Variants in DOCK1 observed in about 807,000 individuals in gnomAD.
DOCK1 encodes the protein dedicator of cytokinesis 1.
In DOCK1, 138 loss-of-function variants were observed where a neutral mutation model predicts 262.7. That is an observed-to-expected ratio of 0.53 (90% CI 0.46 to 0.61). The LOEUF is 0.61. DOCK1 is among the 20% of genes least tolerant of loss of function. DOCK1 has a pLI of 0.00. For missense variants in DOCK1, 1,908 were observed against 2,370.7 expected (o/e 0.80, Z 4.05); for synonymous variants, 866 against 867.4 (o/e 1.00, Z 0.03).
At chr10:127,114,945 C>T (rs1393858062) in intron 25 of DOCK1, among the ~76,000 whole-genome samples, 1 of 151,948 alleles carries the variant, frequency 6.6e-6, no homozygotes, top group Non-Finnish European at 1.5e-5. Context: ...TCAGTAGAGA[C>T]GCGGTTTCAC....
At chr10:126,906,610 C>G (rs1385639659) in intron 1 of DOCK1, among the ~76,000 whole-genome samples, 1 of 152,216 alleles carries the variant, frequency 6.6e-6, no homozygotes, top group African/African-American at 2.4e-5. Context: ...TCCCACAGCC[C>G]AGGCTGTGTC....
At chr10:126,906,179 C>T (rs1046355711) in intron 1 of DOCK1, among the ~76,000 whole-genome samples, 1 of 152,222 alleles carries the variant, frequency 6.6e-6, no homozygotes, top group Non-Finnish European at 1.5e-5. Flanking sequence ...CCAGTGGCCC[C>T]AGGCCTGGAG....
At position 127,109,701 on chromosome 10, in the gene DOCK1, G is replaced by T. The variant is rs149124197; in HGVS notation, c.2517-547G>T. On this transcript the variant is annotated intron_variant, in intron 24 of 51. Transcript: ENST00000623213. Reference sequence around the variant, plus strand: ...AAGGTTTCTCCATGTTTTAGCATCAGTGCCTCCTTGTTTTTGGAAATGAAT... The same window carrying T: ...AAGGTTTCTCCATGTTTTAGCATCATTGCCTCCTTGTTTTTGGAAATGAAT... 1.4e-3 allele frequency among the ~76,000 whole-genome samples: 206 copies of T among 152,316 alleles called. 1 individual carries two copies. Among genetic ancestry groups the T allele is most frequent in the African/African-American group, 4.7e-3 (197 of 41,564 alleles).
In DOCK1 at chr10:127,027,419, C is replaced by T. The variant is rs1457686172; in HGVS notation, c.1624+995C>T. On this transcript the variant is annotated intron_variant, in intron 16 of 51. Coordinates refer to ENST00000623213, the MANE Select transcript of DOCK1 (RefSeq NM_001290223.2). ...GACCAGCTTGGGCAACACAGTGAGACCCGATCTTTACTAAAACAGTTATCC... is the reference window on the plus strand; with the variant it reads ...GACCAGCTTGGGCAACACAGTGAGATCCGATCTTTACTAAAACAGTTATCC... 4.6e-5 allele frequency among the ~76,000 whole-genome samples: 7 copies of T among 152,242 alleles called. No individual in the cohort carries two copies. The East Asian group carries it at 1.4e-3, about 29-fold the overall frequency.
intron 49 of DOCK1, among the ~76,000 whole-genome samples, chr10:127,442,825 C>T (rs533951508): frequency 6.6e-5 from 10 of 152,354 alleles, no homozygotes; most frequent in South Asian, 2.1e-4. Flanking sequence ...GATGTTGCCC[C>T]GTGTGTCCTT....
chr10:127,002,938 T>C (rs2040698559), intron 10 of DOCK1, among the ~76,000 whole-genome samples: 1 of 152,276 alleles, frequency 6.6e-6, no homozygotes, highest in South Asian at 2.1e-4. Context: ...TCGTGAATTT[T>C]CCAGAGTGTG....
chr10:127,066,106 T>C (rs2045855613), intron 23 of DOCK1, among the ~76,000 whole-genome samples: 1 of 152,064 alleles, frequency 6.6e-6, no homozygotes, highest in Non-Finnish European at 1.5e-5. Context: ...CCTCGGCGTT[T>C]CTCTCTCCTA....
At chr10:127,240,799 G>A (rs1033955362) in intron 27 of DOCK1, among the ~76,000 whole-genome samples, 14 of 152,060 alleles carry the variant, frequency 9.2e-5, no homozygotes, top group Non-Finnish European at 4.4e-5. Flanking sequence ...AAAGCAACAA[G>A]GAGAAGCTAT....
chr10:127,335,368 G>A (rs1024694209), intron 29 of DOCK1, among the ~76,000 whole-genome samples: 12 of 152,274 alleles, frequency 7.9e-5, no homozygotes, highest in Admixed American at 6.5e-4. Flanking sequence ...TGCACTGTGT[G>A]GAGCCCCTCA....
intron 48 of DOCK1, among the ~76,000 whole-genome samples, chr10:127,433,672 A>G (rs904554731): frequency 6.6e-6 from 1 of 152,072 alleles, no homozygotes; most frequent in Admixed American, 6.5e-5. Flanking sequence ...TTTTCATCCA[A>G]TTTAGAACCT....
intron 1 of DOCK1, among the ~76,000 whole-genome samples, chr10:126,950,432 C>A (rs1487160415): frequency 6.6e-6 from 1 of 152,042 alleles, no homozygotes; most frequent in Non-Finnish European, 1.5e-5. Context: ...CTCCTTTAGA[C>A]TGGGGTTCCA....
chr10:127,150,021 T>C (rs2052333549), intron 27 of DOCK1, among the ~76,000 whole-genome samples: 1 of 152,206 alleles, frequency 6.6e-6, no homozygotes, highest in Admixed American at 6.5e-5. Flanking sequence ...TACAGATTCA[T>C]ATGCAGGAAT....
chr10:127,085,845 C>A (rs2136051530), intron 23 of DOCK1, among the ~76,000 whole-genome samples: 1 of 152,172 alleles, frequency 6.6e-6, no homozygotes, highest in East Asian at 1.9e-4. Context: ...ATTATAGAAG[C>A]CATTATTATT....
chr10:127,379,868 T>G (rs2065730761), intron 35 of DOCK1, among the ~76,000 whole-genome samples: 1 of 152,176 alleles, frequency 6.6e-6, no homozygotes, highest in African/African-American at 2.4e-5. Flanking sequence ...CAGTGTTCAG[T>G]GTAGAAATGT....
rs186733501 is a variant in DOCK1 at position 127,025,696 on chromosome 10, C to G, written c.1552-656C>G. The stretch of plus-strand genomic sequence containing the variant: ...AACTCCTGACCTCAAGTGATCCACC[C>G]TCCTCGGCCTCCCAGACTGCTGGGA... On this transcript the variant is annotated intron_variant, in intron 15 of 51. Transcript: ENST00000623213. Among the ~76,000 whole-genome samples, 295 of 152,114 alleles carry G rather than the reference C, an allele frequency of 1.9e-3. 1 individual carries two copies. Among genetic ancestry groups the G allele is most frequent in the African/African-American group, 6.9e-3 (288 of 41,556 alleles).
At chr10:127,341,189 C>T (rs1365643258) in intron 30 of DOCK1, among the ~76,000 whole-genome samples, 1 of 152,128 alleles carries the variant, frequency 6.6e-6, no homozygotes, top group East Asian at 1.9e-4. Context: ...CACGTCATTT[C>T]ATGAATAGAT....
At chr10:126,946,086 A>G (rs2035377660) in intron 1 of DOCK1, among the ~76,000 whole-genome samples, 2 of 152,200 alleles carry the variant, frequency 1.3e-5, no homozygotes, top group Non-Finnish European at 2.9e-5. Flanking sequence ...GGCATATTAC[A>G]TTAATTTTTT....
chr10:127,146,104 T>G, intron 27 of DOCK1: 1 of 507,438 alleles, frequency 2.0e-6, no homozygotes, highest in Non-Finnish European at 3.9e-6. Context: ...TCCATACTCA[T>G]CTAAACATGA....
intron 1 of DOCK1, among the ~76,000 whole-genome samples, chr10:126,943,708 A>T (rs2035186720): frequency 6.6e-6 from 1 of 152,194 alleles, no homozygotes; most frequent in South Asian, 2.1e-4. Flanking sequence ...GGGAGAAAGG[A>T]CTACCAAGGG....
Sources: allele counts gnomAD v4.1 joint callset (sites outside exome capture counted in the v4.1 genomes callset), GRCh38; gene constraint gnomAD v4.1.1; transcripts MANE v1.5; gene names NCBI Gene and HGNC (gene_info 2026-07-23, HGNC 2026-07-21).